NRP1: variants seen among roughly 807,000 people sequenced by gnomAD.
NRP1 encodes neuropilin-1.
NRP1 carries 35 observed loss-of-function variants against 106.7 expected under a neutral mutation model. The ratio of observed to expected loss-of-function variants is 0.33; its 90% CI spans 0.25 to 0.43. The LOEUF is 0.43. Ranked by LOEUF, NRP1 falls within the 20% of genes least tolerant of loss-of-function variation. The pLI is 1.00. For synonymous variants in NRP1, 437 were observed against 417.9 expected (o/e 1.05, Z -0.56); for missense variants, 1,024 against 1,170.4 (o/e 0.87, Z 1.83).
At chr10:33,314,690 C>T (rs765780235) in intron 2 of NRP1, among the ~76,000 whole-genome samples, 4 of 152,122 alleles carry the variant, frequency 2.6e-5, no homozygotes, top group Non-Finnish European at 5.9e-5. Flanking sequence ...GAGGGGAGAG[C>T]CCAGGCAGCA....
chr10:33,222,474 G>GT (rs1402060183), intron 7 of NRP1, among the ~76,000 whole-genome samples: 1 of 151,766 alleles, frequency 6.6e-6, no homozygotes, highest in Non-Finnish European at 1.5e-5. Flanking sequence ...CTAAAAATCA[G>GT]TTTTTCCAGG....
chr10:33,313,153 T>C (rs1168861058), intron 2 of NRP1, among the ~76,000 whole-genome samples: 3 of 152,232 alleles, frequency 2.0e-5, no homozygotes, highest in Non-Finnish European at 2.9e-5. Flanking sequence ...GGTGAAAAAG[T>C]AGGCAATTCC....
intron 2 of NRP1, among the ~76,000 whole-genome samples, chr10:33,320,671 G>A (rs1847434560): frequency 6.6e-6 from 1 of 152,176 alleles, no homozygotes. Context: ...GGGACACATT[G>A]CGGTTTTTCA....
chr10:33,195,607 T>C, intron 12 of NRP1: 1 of 532,720 alleles, frequency 1.9e-6, no homozygotes, highest in Non-Finnish European at 3.8e-6. Flanking sequence ...AAGTATCAGG[T>C]GACTCAGGCC....
chr10:33,181,167 A>G (rs1462725760), intron 16 of NRP1, among the ~76,000 whole-genome samples: 1 of 152,238 alleles, frequency 6.6e-6, no homozygotes, highest in Non-Finnish European at 1.5e-5. Flanking sequence ...ACCTGGTACT[A>G]GAAACGGGAT....
At chr10:33,297,223 G>A (rs1252718830) in intron 2 of NRP1, among the ~76,000 whole-genome samples, 1 of 152,292 alleles carries the variant, frequency 6.6e-6, no homozygotes, top group South Asian at 2.1e-4. Context: ...ACTTCTGAGG[G>A]ATAAATATTG....
intron 2 of NRP1, among the ~76,000 whole-genome samples, chr10:33,275,180 C>G (rs1172636569): frequency 1.3e-5 from 2 of 152,148 alleles, no homozygotes; most frequent in African/African-American, 4.8e-5. Flanking sequence ...TATGAAAAGT[C>G]TTAAAAGAGT....
chr10:33,232,638 CTTTTTTT>C (rs71030049), intron 6 of NRP1, among the ~76,000 whole-genome samples: 13 of 94,210 alleles, frequency 1.4e-4, no homozygotes, highest in South Asian at 3.9e-4. Context: ...TTTTCTTTTC[CTTTTTTT>C]TTTTTTTTTT....
intron 6 of NRP1, among the ~76,000 whole-genome samples, chr10:33,230,499 A>G (rs1003183811): frequency 1.3e-5 from 2 of 152,170 alleles, no homozygotes; most frequent in Non-Finnish European, 2.9e-5. Flanking sequence ...CTACTCTACC[A>G]CGATGAAGAC....
At chr10:33,257,690 T>G (rs1431108415) in intron 4 of NRP1, among the ~76,000 whole-genome samples, 1 of 152,196 alleles carries the variant, frequency 6.6e-6, no homozygotes, top group Non-Finnish European at 1.5e-5. Context: ...TTTGTTGAAG[T>G]GCTTTAAGCA....
intron 3 of NRP1, among the ~76,000 whole-genome samples, chr10:33,269,351 G>A (rs1463812481): frequency 6.6e-6 from 1 of 152,038 alleles, no homozygotes. Flanking sequence ...GGAGTGCAGC[G>A]GCACGATCAA....
intron 11 of NRP1, chr10:33,202,566 TTGG>T: frequency 8.0e-7 from 1 of 1,245,312 alleles, no homozygotes. Context: ...GCACGTGTTA[TTGG>T]GGGGGGGTCT....
chr10:33,271,336 C>T (rs1046733370), intron 2 of NRP1, among the ~76,000 whole-genome samples: 6 of 152,148 alleles, frequency 3.9e-5, no homozygotes, highest in African/African-American at 1.4e-4. Flanking sequence ...AACATATGGC[C>T]ACAGAATAAT....
chr10:33,231,844 A>G (rs1282124462), intron 6 of NRP1, among the ~76,000 whole-genome samples: 1 of 152,196 alleles, frequency 6.6e-6, no homozygotes, highest in African/African-American at 2.4e-5. Flanking sequence ...ACAAAGGAAA[A>G]GACTGTTCCA....
At chr10:33,276,881 T>C (rs1843734493) in intron 2 of NRP1, among the ~76,000 whole-genome samples, 1 of 152,062 alleles carries the variant, frequency 6.6e-6, no homozygotes, top group East Asian at 1.9e-4. Context: ...AAGACATATG[T>C]CCCATAATTC....
At chr10:33,298,837 T>C (rs1357277630) in intron 2 of NRP1, among the ~76,000 whole-genome samples, 2 of 152,210 alleles carry the variant, frequency 1.3e-5, no homozygotes, top group Admixed American at 1.3e-4. Flanking sequence ...ACACGAATTC[T>C]AGCTGTCATA....
chr10:33,275,168 T>A (rs1439492066), intron 2 of NRP1, among the ~76,000 whole-genome samples: 2 of 152,200 alleles, frequency 1.3e-5, no homozygotes, highest in South Asian at 4.1e-4. Context: ...CTAATCATGA[T>A]GTATGAAAAG....
At position 33,239,932 on chromosome 10, in the gene NRP1, G is replaced by C. The variant is rs117590075; in HGVS notation, c.982-13643C>G. 1.4e-3 allele frequency among the ~76,000 whole-genome samples: 218 copies of C among 152,238 alleles called. 1 individual carries two copies. Among genetic ancestry groups the C allele is most frequent in the African/African-American group, 5.2e-3 (214 of 41,542 alleles). Reference sequence around the variant, plus strand: ...TATTTTTGAAAATAGAACAACATCAGAATTTGACTGCATCACTAGAGTGAC... The same window carrying C: ...TATTTTTGAAAATAGAACAACATCACAATTTGACTGCATCACTAGAGTGAC... On this transcript the variant is annotated intron_variant, in intron 6 of 16. Transcript: ENST00000374867.
chr10:33,334,443 CA>C lies in NRP1; in HGVS notation c.-62del. 2 of 1,428,086 alleles carry C rather than the reference CA, an allele frequency of 1.4e-6. No homozygotes were observed. The allele number at this position is 1,428,086 out of a possible 1,614,324, so 88.5% of individuals were successfully genotyped here. A position where few individuals can be genotyped will look rare whatever the true frequency, so the allele number is the denominator to read the frequency against. ...AACGAGGACGTGGGGGGAAATGCAG[CA>C]AAGAGGAGAATCTAAGCGATCCGAA... On this transcript the variant is annotated 5_prime_UTR_variant, in exon 1 of 17. Coordinates refer to ENST00000374867, the MANE Select transcript of NRP1 (RefSeq NM_003873.7).
Sources: allele counts gnomAD v4.1 joint callset (sites outside exome capture counted in the v4.1 genomes callset), GRCh38; gene constraint gnomAD v4.1.1; transcripts MANE v1.5; gene names NCBI Gene and HGNC (gene_info 2026-07-23, HGNC 2026-07-21).